RALGAPA2: variants seen among roughly 807,000 people sequenced by gnomAD.
The protein encoded by RALGAPA2 is ral GTPase-activating protein subunit alpha-2.
A neutral mutation model predicts 230.4 loss-of-function variants in RALGAPA2; 139 were observed. The observed-to-expected ratio is 0.60, with a 90% CI of 0.53 to 0.69. The LOEUF is 0.69. Ranked by LOEUF, RALGAPA2 falls within the 30% of genes least tolerant of loss-of-function variation. The pLI, the probability that RALGAPA2 is intolerant of heterozygous loss-of-function variation, is 0.00. For synonymous variants in RALGAPA2, 847 were observed against 837.8 expected, an observed-to-expected ratio of 1.01 and a Z score of -0.19; for missense variants, 2,163 against 2,276.0, an observed-to-expected ratio of 0.95 and a Z score of 1.01.
chr20:20,640,125 G>T (rs2066985259), intron 6 of RALGAPA2, among the ~76,000 whole-genome samples: 2 of 152,144 alleles, frequency 1.3e-5, no homozygotes, highest in Non-Finnish European at 2.9e-5. Flanking sequence ...TTCAAATTCT[G>T]CTTTGGTCAG....
At chr20:20,446,090 A>G (rs2060855065) in intron 37 of RALGAPA2, among the ~76,000 whole-genome samples, 1 of 151,672 alleles carries the variant, frequency 6.6e-6, no homozygotes, top group Non-Finnish European at 1.5e-5. Flanking sequence ...TGTGGTTAGT[A>G]AAATCTTATA....
chr20:20,654,378 G>T (rs1385770523), intron 3 of RALGAPA2, among the ~76,000 whole-genome samples: 1 of 152,080 alleles, frequency 6.6e-6, no homozygotes, highest in Non-Finnish European at 1.5e-5. Context: ...TAATAGAGAT[G>T]GGGGTTTCAC....
At chr20:20,635,135 G>A (rs1461453560) in intron 9 of RALGAPA2, among the ~76,000 whole-genome samples, 1 of 152,172 alleles carries the variant, frequency 6.6e-6, no homozygotes, top group Non-Finnish European at 1.5e-5. Context: ...ACTCAAGTGA[G>A]GAGAATGAGG....
chr20:20,576,361 C>T (rs1322887501), intron 20 of RALGAPA2, among the ~76,000 whole-genome samples: 1 of 152,068 alleles, frequency 6.6e-6, no homozygotes, highest in East Asian at 1.9e-4. Context: ...GTCTCCATAG[C>T]CTCCTTTTGA....
chr20:20,681,800 AG>A (rs1470965903), intron 1 of RALGAPA2, among the ~76,000 whole-genome samples: 6 of 152,314 alleles, frequency 3.9e-5, no homozygotes, highest in African/African-American at 1.4e-4. Context: ...CTGAGGCTAC[AG>A]TGAGCTATGG....
At chr20:20,504,110 A>G (rs1366282439) in intron 34 of RALGAPA2, among the ~76,000 whole-genome samples, 1 of 152,228 alleles carries the variant, frequency 6.6e-6, no homozygotes, top group Non-Finnish European at 1.5e-5. Flanking sequence ...CTATTCTAAC[A>G]TATATGAAAA....
chr20:20,401,990 A>C (rs1488084871), intron 38 of RALGAPA2, among the ~76,000 whole-genome samples: 1 of 152,204 alleles, frequency 6.6e-6, no homozygotes, highest in Non-Finnish European at 1.5e-5. Context: ...ACATTTTGCC[A>C]TTGCCACTGA....
chr20:20,511,143 G>A, intron 33 of RALGAPA2, 111 bp downstream of exon 33: 2 of 1,492,266 alleles, frequency 1.3e-6, no homozygotes, highest in Non-Finnish European at 8.9e-7. Context: ...CTAGGTTACA[G>A]AACTACCCTT....
chr20:20,449,641 T>C (rs2060943820), intron 37 of RALGAPA2, among the ~76,000 whole-genome samples: 1 of 152,106 alleles, frequency 6.6e-6, no homozygotes, highest in African/African-American at 2.4e-5. Context: ...TGTTAAGCCC[T>C]TAACTTTTTT....
In RALGAPA2 at chr20:20,589,954, T is replaced by C. The variant is rs145453818; in HGVS notation, c.2342-589A>G. On this transcript the variant is annotated intron_variant, in intron 17 of 39. Transcript: ENST00000202677. The stretch of plus-strand genomic sequence containing the variant: ...CAGAACAAGAAATGGAAAATCTAAA[T>C]AGTCCTATAACTATTTTATTTTAAC... Among the ~76,000 whole-genome samples the C allele has an allele frequency of 7.2e-3, 1,089 of 151,702 alleles. 10 individuals are homozygous for C. The highest frequency in any genetic ancestry group is 0.025 in the African/African-American group (1,045 of 41,464).
At chr20:20,432,877 T>C (rs551415082) in intron 37 of RALGAPA2, among the ~76,000 whole-genome samples, 2 of 152,342 alleles carry the variant, frequency 1.3e-5, no homozygotes, top group East Asian at 1.9e-4. Flanking sequence ...AAGCTGTCCA[T>C]GTGAAAGTGA....
At chr20:20,596,982 T>G (rs779532967) in intron 16 of RALGAPA2, among the ~76,000 whole-genome samples, 14 of 152,334 alleles carry the variant, frequency 9.2e-5, no homozygotes, top group African/African-American at 3.4e-4. Context: ...CTAAATCACA[T>G]TTAACTTCAG....
intron 23 of RALGAPA2, among the ~76,000 whole-genome samples, chr20:20,567,459 G>A (rs1283663927): frequency 6.6e-6 from 1 of 152,154 alleles, no homozygotes; most frequent in Non-Finnish European, 1.5e-5. Flanking sequence ...GTTGGGGCAG[G>A]GTAGTTTAAT....
intron 37 of RALGAPA2, among the ~76,000 whole-genome samples, chr20:20,428,040 C>T (rs1034668037): frequency 2.6e-5 from 4 of 152,122 alleles, no homozygotes; most frequent in Non-Finnish European, 4.4e-5. Flanking sequence ...ATAACACATG[C>T]TTTAAAAATA....
intron 3 of RALGAPA2, among the ~76,000 whole-genome samples, chr20:20,675,970 A>G (rs1487706449): frequency 6.6e-6 from 1 of 152,184 alleles, no homozygotes; most frequent in Non-Finnish European, 1.5e-5. Context: ...CTACTATTTA[A>G]GATGTGTGTA....
chr20:20,435,553 G>C (rs2060591669), intron 37 of RALGAPA2, among the ~76,000 whole-genome samples: 1 of 152,214 alleles, frequency 6.6e-6, no homozygotes, highest in Admixed American at 6.5e-5. Flanking sequence ...GAAGAGTAGG[G>C]AACAGGGGTC....
At chr20:20,550,139 C>G (rs1202826237) in intron 23 of RALGAPA2, among the ~76,000 whole-genome samples, 4 of 152,170 alleles carry the variant, frequency 2.6e-5, no homozygotes, top group African/African-American at 9.7e-5. Context: ...CCCTCATCCC[C>G]TTCCACCCTT....
chr20:20,500,954 T>C (rs574232439), intron 35 of RALGAPA2, among the ~76,000 whole-genome samples: 2 of 152,378 alleles, frequency 1.3e-5, no homozygotes, highest in South Asian at 2.1e-4. Flanking sequence ...AGTAATACTC[T>C]GAAATAAATC....
intron 36 of RALGAPA2, among the ~76,000 whole-genome samples, chr20:20,492,118 T>C (rs960777757): frequency 6.6e-6 from 1 of 152,202 alleles, no homozygotes; most frequent in Non-Finnish European, 1.5e-5. Context: ...CATTATTACA[T>C]ACGCTATTAA....
Sources: gnomAD v4.1 joint callset for allele counts (sites outside exome capture counted in the v4.1 genomes callset) on GRCh38, gnomAD v4.1.1 for gene constraint, MANE v1.5 for transcripts, NCBI Gene and HGNC (gene_info 2026-07-23, HGNC 2026-07-21) for gene names.